The following NPSR1 variants were observed in gnomAD, a reference collection of about 807,000 sequenced individuals.
The protein encoded by NPSR1 is neuropeptide S receptor.
A neutral mutation model predicts 46.9 loss-of-function variants in NPSR1; 48 were observed. The observed-to-expected ratio is 1.02, with a 90% CI of 0.81 to 1.30. The LOEUF (loss-of-function observed/expected upper bound fraction) is 1.30, where lower values mean the gene tolerates loss of function less well. NPSR1 is among the 50% of genes most tolerant of loss of function. The pLI is 0.00. For synonymous variants in NPSR1, 176 were observed against 168.1 expected, an observed-to-expected ratio of 1.05 and a Z score of -0.36; for missense variants, 450 against 449.5, an observed-to-expected ratio of 1.00 and a Z score of -0.01.
At chr7:34,671,861 A>C (rs1230367218) in intron 1 of NPSR1, among the ~76,000 whole-genome samples, 1 of 151,092 alleles carries the variant, frequency 6.6e-6, no homozygotes, top group African/African-American at 2.5e-5. Context: ...AGTCTCCCGG[A>C]TGGATTTTAA....
At chr7:34,746,284 C>T (rs994503442) in intron 2 of NPSR1, among the ~76,000 whole-genome samples, 8 of 152,214 alleles carry the variant, frequency 5.3e-5, no homozygotes, top group Non-Finnish European at 4.4e-5. Context: ...CATAGTTTCA[C>T]TTTCCATGGT....
intron 2 of NPSR1, among the ~76,000 whole-genome samples, chr7:34,776,974 T>TC (rs1052256993): frequency 2.6e-5 from 4 of 152,134 alleles, no homozygotes; most frequent in African/African-American, 9.7e-5. Context: ...TCCTTCTCCT[T>TC]CTTCTCCTTT....
intron 2 of NPSR1, among the ~76,000 whole-genome samples, chr7:34,764,377 G>T (rs1213723302): frequency 2.0e-5 from 3 of 152,152 alleles, no homozygotes; most frequent in Non-Finnish European, 4.4e-5. Context: ...TAGACCAGAG[G>T]TCTGCAAACT....
intron 2 of NPSR1, among the ~76,000 whole-genome samples, chr7:34,712,258 T>G (rs774558454): frequency 6.2e-4 from 95 of 152,350 alleles, no homozygotes; most frequent in Non-Finnish European, 1.6e-4. Context: ...ATAATATTAA[T>G]TTAATTAATT....
At chr7:34,667,412 A>T (rs776700175) in intron 1 of NPSR1, among the ~76,000 whole-genome samples, 2 of 152,110 alleles carry the variant, frequency 1.3e-5, no homozygotes, top group Non-Finnish European at 2.9e-5. Context: ...AAGCCCAGAG[A>T]AGGTGGGAGG....
intron 3 of NPSR1, among the ~76,000 whole-genome samples, chr7:34,805,540 A>C (rs2128749015): frequency 6.6e-6 from 1 of 151,446 alleles, no homozygotes; most frequent in Non-Finnish European, 1.5e-5. Context: ...AAACCAACTC[A>C]GTTTAGATCA....
At chr7:34,848,929 T>C (rs1790840436) in intron 8 of NPSR1, among the ~76,000 whole-genome samples, 1 of 152,270 alleles carries the variant, frequency 6.6e-6, no homozygotes. Context: ...CTTGCTTTTA[T>C]TCAAAGCATC....
intron 8 of NPSR1, among the ~76,000 whole-genome samples, chr7:34,864,200 C>T (rs964590230): frequency 6.6e-6 from 1 of 151,554 alleles, no homozygotes; most frequent in Non-Finnish European, 1.5e-5. Context: ...AGGAAGGGAA[C>T]ATCACACACT....
chr7:34,695,879 T>C (rs1466290344), intron 2 of NPSR1, among the ~76,000 whole-genome samples: 1 of 152,082 alleles, frequency 6.6e-6, no homozygotes, highest in East Asian at 1.9e-4. Context: ...TCAACCACTA[T>C]AGAAAACAGT....
intron 2 of NPSR1, among the ~76,000 whole-genome samples, chr7:34,746,896 G>A (rs1219752275): frequency 6.6e-6 from 1 of 152,094 alleles, no homozygotes; most frequent in Non-Finnish European, 1.5e-5. Context: ...GGAGGCCGAG[G>A]CAGGTGGATC....
intron 8 of NPSR1, among the ~76,000 whole-genome samples, chr7:34,848,937 A>G (rs1790840962): frequency 6.6e-6 from 1 of 152,272 alleles, no homozygotes; most frequent in African/African-American, 2.4e-5. Flanking sequence ...TATTCAAAGC[A>G]TCTTCACATG....
At chr7:34,814,132 G>C (rs934743026) in intron 4 of NPSR1, among the ~76,000 whole-genome samples, 1 of 152,224 alleles carries the variant, frequency 6.6e-6, no homozygotes, top group Non-Finnish European at 1.5e-5. Flanking sequence ...AGCACAAAGG[G>C]TTGGGGGATG....
chr7:34,689,344 G>A (rs920673122), intron 2 of NPSR1, among the ~76,000 whole-genome samples: 8 of 152,094 alleles, frequency 5.3e-5, no homozygotes, highest in African/African-American at 1.9e-4. Flanking sequence ...AGTGGCTCAC[G>A]CCTGTAATCC....
intron 8 of NPSR1, among the ~76,000 whole-genome samples, chr7:34,867,417 AAGGCTTGAGGCTATTTGG>A (rs879442263): frequency 3.3e-5 from 5 of 151,840 alleles, no homozygotes; most frequent in Non-Finnish European, 5.9e-5. Flanking sequence ...ATCTTCAGTA[AAGGCTTGAGGCTATTTGG>A]AGCCCAGAAG....
intron 2 of NPSR1, among the ~76,000 whole-genome samples, chr7:34,748,903 T>C (rs1038275474): frequency 6.6e-6 from 1 of 152,210 alleles, no homozygotes; most frequent in South Asian, 2.1e-4. Flanking sequence ...CTGTGACCAA[T>C]GGAACTGAGG....
At chr7:34,688,519 C>T (rs988877122) in intron 2 of NPSR1, among the ~76,000 whole-genome samples, 2 of 152,154 alleles carry the variant, frequency 1.3e-5, no homozygotes, top group Non-Finnish European at 2.9e-5. Flanking sequence ...CAAAGAACTC[C>T]CTTTCCACAC....
intron 2 of NPSR1, among the ~76,000 whole-genome samples, chr7:34,749,663 G>C (rs903243414): frequency 6.6e-6 from 1 of 152,198 alleles, no homozygotes; most frequent in Non-Finnish European, 1.5e-5. Flanking sequence ...TGTTGAGTAA[G>C]GGCAGAAAGT....
intron 2 of NPSR1, among the ~76,000 whole-genome samples, chr7:34,777,203 C>G (rs1787002994): frequency 6.6e-6 from 1 of 152,194 alleles, no homozygotes; most frequent in Non-Finnish European, 1.5e-5. Flanking sequence ...ATTTAGAGCC[C>G]TAGAGCACTT....
intron 2 of NPSR1, chr7:34,752,022 A>AT: frequency 1.3e-6 from 1 of 757,664 alleles, no homozygotes; most frequent in Non-Finnish European, 2.4e-6. Flanking sequence ...CTGCTGGGCC[A>AT]GCCGGTAGTC....
Sources: allele counts gnomAD v4.1 joint callset (sites outside exome capture counted in the v4.1 genomes callset), GRCh38; gene constraint gnomAD v4.1.1; transcripts MANE v1.5; gene names NCBI Gene and HGNC (gene_info 2026-07-23, HGNC 2026-07-21).